The following SLC16A2 variants were observed in gnomAD, a reference collection of about 807,000 sequenced individuals.
SLC16A2 encodes the protein solute carrier family 16 member 2, also known as monocarboxylate transporter 8.
A neutral mutation model predicts 27.2 loss-of-function variants in SLC16A2; 3 were observed. The observed-to-expected ratio is 0.11, with a 90% CI of 0.05 to 0.28. The LOEUF (loss-of-function observed/expected upper bound fraction) is 0.28, where lower values mean the gene tolerates loss of function less well. SLC16A2 is among the 10% of genes least tolerant of loss of function. The pLI, the probability that SLC16A2 is intolerant of heterozygous loss-of-function variation, is 1.00. For synonymous variants in SLC16A2, 202 were observed against 187.8 expected, an observed-to-expected ratio of 1.08 and a Z score of -0.62; for missense variants, 295 against 458.5, an observed-to-expected ratio of 0.64 and a Z score of 3.26.
At chrX:74,433,371 CAAAAA>C (rs146613852) in intron 1 of SLC16A2, among the ~76,000 whole-genome samples, 1 of 78,704 alleles carries the variant, frequency 1.3e-5, no homozygotes. Flanking sequence ...GACTCTGTCT[CAAAAA>C]AAAAAAAAAA....
chrX:74,471,839 C>T (rs1929363183), intron 1 of SLC16A2, among the ~76,000 whole-genome samples: 1 of 111,696 alleles, frequency 9.0e-6, no homozygotes, highest in Admixed American at 9.6e-5. Flanking sequence ...CACCATTCTA[C>T]TTTCTGTCCC....
chrX:74,485,008 G>C (rs913624088), intron 1 of SLC16A2, among the ~76,000 whole-genome samples: 4 of 111,304 alleles, frequency 3.6e-5, no homozygotes, highest in African/African-American at 1.3e-4. Context: ...CCTGAGGTCG[G>C]GAGTTCGAGA....
chrX:74,490,365 TAA>T (rs376272755), intron 1 of SLC16A2, among the ~76,000 whole-genome samples: 27 of 99,039 alleles, frequency 2.7e-4, no homozygotes, highest in African/African-American at 2.2e-4. Flanking sequence ...TTCCCACACT[TAA>T]AAAAAAAAAA....
At chrX:74,462,147 A>G (rs1349469811) in intron 1 of SLC16A2, among the ~76,000 whole-genome samples, 1 of 112,126 alleles carries the variant, frequency 8.9e-6, no homozygotes, top group East Asian at 2.8e-4. Context: ...GAGTTTGGGT[A>G]GAGCCCTTGC....
intron 1 of SLC16A2, among the ~76,000 whole-genome samples, chrX:74,462,213 G>A (rs934119635): frequency 1.8e-5 from 2 of 112,418 alleles, no homozygotes; most frequent in Non-Finnish European, 3.8e-5. Flanking sequence ...GTTCCCAAGC[G>A]CCTTTGGGGC....
intron 1 of SLC16A2, among the ~76,000 whole-genome samples, chrX:74,458,882 C>A (rs963386416): frequency 9.1e-6 from 1 of 110,379 alleles, no homozygotes; most frequent in African/African-American, 3.3e-5. Flanking sequence ...TATTTGTGGT[C>A]GTTTGATGCC....
intron 3 of SLC16A2, 126 bp downstream of exon 3, chrX:74,524,935 C>G (rs760435922): frequency 7.5e-5 from 46 of 612,135 alleles, no homozygotes; most frequent in Non-Finnish European, 1.1e-4. Flanking sequence ...GGAAAAGAAA[C>G]AAAATATTGG....
chrX:74,462,520 A>G (rs959274060), intron 1 of SLC16A2, among the ~76,000 whole-genome samples: 1 of 111,215 alleles, frequency 9.0e-6, no homozygotes, highest in Non-Finnish European at 1.9e-5. Context: ...GGGTTTCAAC[A>G]TGTTGGCCGG....
intron 1 of SLC16A2, among the ~76,000 whole-genome samples, chrX:74,445,760 A>C (rs1270616771): frequency 9.2e-6 from 1 of 108,369 alleles, no homozygotes; most frequent in Non-Finnish European, 1.9e-5. Flanking sequence ...AATGAGGGCC[A>C]GGAGTGGGAG....
At chrX:74,493,042 G>T (rs1205969718) in intron 1 of SLC16A2, among the ~76,000 whole-genome samples, 2 of 111,733 alleles carry the variant, frequency 1.8e-5, no homozygotes, top group African/African-American at 6.5e-5. Context: ...CTGATCTCTG[G>T]GGCAGCTTCT....
intron 1 of SLC16A2, among the ~76,000 whole-genome samples, chrX:74,485,395 A>G (rs968736598): frequency 2.7e-5 from 3 of 110,145 alleles, no homozygotes; most frequent in Admixed American, 9.7e-5. Flanking sequence ...AAATATATAT[A>G]GATATCTTTA....
chrX:74,525,966 G>A (rs1012024803), intron 4 of SLC16A2, 73 bp downstream of exon 4: 1 of 1,105,594 alleles, frequency 9.0e-7, no homozygotes, highest in Non-Finnish European at 1.2e-6. Flanking sequence ...CAGCCTTTGG[G>A]ATAGAATGGT....
At chrX:74,453,443 C>A (rs947643018) in intron 1 of SLC16A2, among the ~76,000 whole-genome samples, 1 of 111,486 alleles carries the variant, frequency 9.0e-6, no homozygotes, top group Non-Finnish European at 1.9e-5. Context: ...CCATCCATGA[C>A]CATCTCTATG....
chrX:74,526,424 T>G (rs1163354654), intron 4 of SLC16A2, among the ~76,000 whole-genome samples: 1 of 112,220 alleles, frequency 8.9e-6, no homozygotes, highest in African/African-American at 3.2e-5. Context: ...GGGAAAGCCC[T>G]AAAAGCACAT....
At chrX:74,516,919 T>TA (rs1044363611) in intron 1 of SLC16A2, among the ~76,000 whole-genome samples, 2 of 111,199 alleles carry the variant, frequency 1.8e-5, no homozygotes, top group African/African-American at 6.5e-5. Flanking sequence ...TTATGCTGGG[T>TA]AAAAAAAAGT....
intron 1 of SLC16A2, among the ~76,000 whole-genome samples, chrX:74,424,405 A>G (rs777094311): frequency 9.0e-6 from 1 of 111,340 alleles, no homozygotes; most frequent in South Asian, 3.8e-4. Flanking sequence ...TCTCATCCTC[A>G]GTACTACCTT....
intron 1 of SLC16A2, among the ~76,000 whole-genome samples, chrX:74,456,373 G>T (rs1293136686): frequency 1.8e-5 from 2 of 111,410 alleles, no homozygotes; most frequent in Non-Finnish European, 3.8e-5. Context: ...AGTTCCCTGG[G>T]TCTTCATCTG....
chrX:74,521,793 C>A (rs1930411533), intron 2 of SLC16A2, among the ~76,000 whole-genome samples: 1 of 112,195 alleles, frequency 8.9e-6, no homozygotes, highest in South Asian at 3.7e-4. Context: ...TTAGCAATAT[C>A]CCTTACTGAG....
intron 1 of SLC16A2, chrX:74,473,821 G>A (rs745580102): frequency 9.6e-5 from 51 of 532,068 alleles, no homozygotes; most frequent in Non-Finnish European, 1.5e-4. Flanking sequence ...TTACCACACA[G>A]TCTGTGAGCA....
Sources: allele counts gnomAD v4.1 joint callset (sites outside exome capture counted in the v4.1 genomes callset), GRCh38; gene constraint gnomAD v4.1.1; transcripts MANE v1.5; gene names NCBI Gene and HGNC (gene_info 2026-07-23, HGNC 2026-07-21).